Variants in UMAD1 observed in about 807,000 individuals in gnomAD.
UMAD1 encodes the protein UBAP1-MVB12-associated (UMA) domain containing 1.
Under a neutral mutation model 6.1 loss-of-function variants are expected in UMAD1, and 8 were observed. The observed-to-expected ratio is 1.30, with a 90% confidence interval of 0.76 to 2.35. The LOEUF (loss-of-function observed/expected upper bound fraction) is 2.35, where lower values mean the gene tolerates loss of function less well. Ranked by LOEUF, UMAD1 falls within the 30% of genes most tolerant of loss-of-function variation. The pLI is 0.00. For synonymous variants in UMAD1, 56 were observed against 31.4 expected, an observed-to-expected ratio of 1.78 and a Z score of -2.61; for missense variants, 130 against 78.4, an observed-to-expected ratio of 1.66 and a Z score of -2.49.
chr7:7,783,531 A>C (rs2115255643), intron 2 of UMAD1, among the ~76,000 whole-genome samples: 1 of 152,316 alleles, frequency 6.6e-6, no homozygotes, highest in Middle Eastern at 3.4e-3. Flanking sequence ...TCACTTATAA[A>C]ATGGGTTTGG....
intron 3 of UMAD1, among the ~76,000 whole-genome samples, chr7:7,866,737 A>G (rs1784235708): frequency 6.6e-6 from 1 of 152,206 alleles, no homozygotes; most frequent in African/African-American, 2.4e-5. Context: ...AAGCAAGGCC[A>G]GGTCATGCTT....
chr7:7,761,269 T>C (rs1483293491), intron 2 of UMAD1, among the ~76,000 whole-genome samples: 2 of 150,160 alleles, frequency 1.3e-5, no homozygotes, highest in Non-Finnish European at 3.0e-5. Flanking sequence ...GGAGGCTGAT[T>C]TAGGAGACTC....
Position 7,673,332 on chromosome 7 carries a change from AGC to A in UMAD1, c.-39_-38del, listed in dbSNP as rs1335430434. On this transcript the variant is annotated 5_prime_UTR_variant, in exon 2 of 4. Coordinates refer to ENST00000682710, the MANE Select transcript of UMAD1 (RefSeq NM_001302348.2). ...AGGTAGCAGCAGCAGCAGCAGCAGCAGCAGCAGCAGCAGCAGCAGCAGCAGCA... is the reference window on the plus strand; with the variant it reads ...AGGTAGCAGCAGCAGCAGCAGCAGCAAGCAGCAGCAGCAGCAGCAGCAGCA... 1 of 1,196,330 alleles carries A rather than the reference AGC, an allele frequency of 8.4e-7. No homozygotes were observed. Among genetic ancestry groups the A allele is most frequent in the East Asian group, 2.6e-5 (1 of 38,790 alleles). The allele number at this position is 1,196,330 out of a possible 1,614,324, so 74.1% of individuals were successfully genotyped here.
intron 3 of UMAD1, among the ~76,000 whole-genome samples, chr7:7,839,486 A>T (rs781554132): frequency 6.6e-6 from 1 of 152,238 alleles, no homozygotes; most frequent in Non-Finnish European, 1.5e-5. Flanking sequence ...ACCCGGCCAG[A>T]TGAACACTTT....
intron 3 of UMAD1, among the ~76,000 whole-genome samples, chr7:7,843,028 T>C (rs1783712784): frequency 6.6e-6 from 1 of 152,228 alleles, no homozygotes; most frequent in Non-Finnish European, 1.5e-5. Flanking sequence ...CTTTTTGAGA[T>C]GGTTCATCCA....
intron 2 of UMAD1, among the ~76,000 whole-genome samples, chr7:7,747,360 G>A (rs563443439): frequency 5.9e-5 from 9 of 152,150 alleles, no homozygotes; most frequent in Non-Finnish European, 8.8e-5. Context: ...CATTTCATAC[G>A]TGCTACTTTA....
At chr7:7,851,812 T>A (rs539887868) in intron 3 of UMAD1, among the ~76,000 whole-genome samples, 1 of 152,200 alleles carries the variant, frequency 6.6e-6, no homozygotes, top group Non-Finnish European at 1.5e-5. Context: ...TTTTAAATAT[T>A]TCCTCTCATT....
intron 2 of UMAD1, among the ~76,000 whole-genome samples, chr7:7,710,087 A>G (rs533522336): frequency 6.6e-6 from 1 of 152,260 alleles, no homozygotes. Context: ...ACTCAGTATC[A>G]TGTATCTGGT....
intron 2 of UMAD1, among the ~76,000 whole-genome samples, chr7:7,788,009 T>C (rs749548086): frequency 1.6e-4 from 25 of 152,192 alleles, no homozygotes; most frequent in Non-Finnish European, 3.2e-4. Flanking sequence ...GATCATACCA[T>C]GTTTGCCGCA....
At chr7:7,705,238 C>T (rs750954072) in intron 2 of UMAD1, among the ~76,000 whole-genome samples, 7 of 152,240 alleles carry the variant, frequency 4.6e-5, no homozygotes, top group East Asian at 1.9e-4. Flanking sequence ...TAACGAAGTT[C>T]GTATAGTTGA....
intron 3 of UMAD1, among the ~76,000 whole-genome samples, chr7:7,812,672 T>C (rs1282222126): frequency 6.6e-6 from 1 of 152,202 alleles, no homozygotes; most frequent in Non-Finnish European, 1.5e-5. Context: ...TAATATTCTG[T>C]TTATACTTTG....
rs556123631 is a variant in UMAD1 at position 7,670,355 on chromosome 7, A to G, written c.-63-2954A>G. Among the ~76,000 whole-genome samples the G allele has an allele frequency of 2.6e-5, 4 of 152,334 alleles. No individual in the cohort carries two copies. In the East Asian group the frequency reaches 5.8e-4, roughly 22 times the overall value. The stretch of plus-strand genomic sequence containing the variant: ...GAGCCACTTCGTAAAGGGTCTCTCT[A>G]TATATACAAAAGTTCTTGTAGCACT... On this transcript the variant is annotated intron_variant, in intron 1 of 3. Coordinates refer to ENST00000682710, the MANE Select transcript of UMAD1 (RefSeq NM_001302348.2).
At chr7:7,816,453 G>T (rs1783128622) in intron 3 of UMAD1, among the ~76,000 whole-genome samples, 1 of 152,242 alleles carries the variant, frequency 6.6e-6, no homozygotes, top group Non-Finnish European at 1.5e-5. Context: ...GAAGGCTGTA[G>T]AGATGAGGCC....
At chr7:7,716,046 A>G (rs1414972522) in intron 2 of UMAD1, among the ~76,000 whole-genome samples, 1 of 152,258 alleles carries the variant, frequency 6.6e-6, no homozygotes, top group Non-Finnish European at 1.5e-5. Flanking sequence ...TATGTCAGGC[A>G]TATGGCTACA....
intron 2 of UMAD1, among the ~76,000 whole-genome samples, chr7:7,743,698 G>A (rs894353470): frequency 3.6e-4 from 13 of 35,836 alleles, no homozygotes; most frequent in African/African-American, 2.4e-3. Flanking sequence ...ATATGTATAT[G>A]TATAATATAT....
chr7:7,864,581 A>T (rs896025038), intron 3 of UMAD1, among the ~76,000 whole-genome samples: 1 of 150,122 alleles, frequency 6.7e-6, no homozygotes, highest in Non-Finnish European at 1.5e-5. Context: ...ACCCAGCTAG[A>T]CATGAGGAGA....
intron 3 of UMAD1, among the ~76,000 whole-genome samples, chr7:7,834,028 T>C (rs1403349308): frequency 7.0e-6 from 1 of 143,106 alleles, no homozygotes; most frequent in Non-Finnish European, 1.5e-5. Context: ...TTTTTTTTTT[T>C]TTTTTTTTTT....
At chr7:7,765,201 C>T (rs1781961604) in intron 2 of UMAD1, among the ~76,000 whole-genome samples, 1 of 152,106 alleles carries the variant, frequency 6.6e-6, no homozygotes, top group Non-Finnish European at 1.5e-5. Context: ...TCTTGCCTCT[C>T]ATCAGTTTAC....
chr7:7,750,786 C>T (rs1396232070), intron 2 of UMAD1, among the ~76,000 whole-genome samples: 1 of 152,170 alleles, frequency 6.6e-6, no homozygotes, highest in Non-Finnish European at 1.5e-5. Flanking sequence ...TAAACCCAGT[C>T]AGTTTGGCTG....
Sources: allele counts gnomAD v4.1 joint callset (sites outside exome capture counted in the v4.1 genomes callset), GRCh38; gene constraint gnomAD v4.1.1; transcripts MANE v1.5; gene names NCBI Gene and HGNC (gene_info 2026-07-23, HGNC 2026-07-21).